Variants in FRAS1 observed in about 807,000 individuals in gnomAD.
The protein encoded by FRAS1 is extracellular matrix organizing protein FRAS1.
In FRAS1, 290 loss-of-function variants were observed where a neutral mutation model predicts 435.2. That is an observed-to-expected ratio of 0.67 (90% CI 0.61 to 0.73). The LOEUF (loss-of-function observed/expected upper bound fraction) is 0.73, where lower values mean the gene tolerates loss of function less well. Among genes scored for constraint, FRAS1 ranks in the 30% least tolerant of loss-of-function variants. FRAS1 has a pLI of 0.00. For missense variants in FRAS1, 4,860 were observed against 5,001.5 expected (o/e 0.97, Z 0.85); for synonymous variants, 1,800 against 1,851.0 (o/e 0.97, Z 0.71).
chr4:78,464,292 T>G, intron 48 of FRAS1, 147 bp downstream of exon 48: 3 of 1,376,434 alleles, frequency 2.2e-6, no homozygotes, highest in Non-Finnish European at 3.0e-6. Context: ...GTAGCCACCT[T>G]GGCTCTTGCC....
Position 78,374,092 on chromosome 4 carries a change from C to T in FRAS1, c.3011-19C>T, listed in dbSNP as rs1210595157. 24 of 1,556,390 alleles carry T rather than the reference C, an allele frequency of 1.5e-5. No individual in the cohort carries two copies. The highest frequency in any genetic ancestry group is 2.1e-5 in the Non-Finnish European group (24 of 1,141,708). The stretch of plus-strand genomic sequence containing the variant: ...GGAAAGCCACACAGATTCCTGATGA[C>T]TTGACTTTTGTCTTTCAGACTGTGA... On this transcript the variant is annotated intron_variant, in intron 24 of 73. Transcript: ENST00000512123.
intron 2 of FRAS1, among the ~76,000 whole-genome samples, chr4:78,134,915 T>C (rs950428690): frequency 2.0e-5 from 3 of 152,232 alleles, no homozygotes; most frequent in South Asian, 4.1e-4. Flanking sequence ...CCCTCATGCC[T>C]GACTAAGCTC....
intron 9 of FRAS1, among the ~76,000 whole-genome samples, chr4:78,274,221 C>A (rs1233658128): frequency 2.0e-5 from 3 of 152,122 alleles, no homozygotes; most frequent in Non-Finnish European, 4.4e-5. Context: ...CTGTATTAGT[C>A]TTGCTATCAG....
chr4:78,143,280 A>G (rs1720267507), intron 2 of FRAS1, among the ~76,000 whole-genome samples: 1 of 152,194 alleles, frequency 6.6e-6, no homozygotes, highest in Non-Finnish European at 1.5e-5. Flanking sequence ...ATCCACTAAG[A>G]AGATGTACTA....
Position 78,354,853 on chromosome 4 carries a change from T to G in FRAS1, c.2423-8660T>G, listed in dbSNP as rs571659503. On this transcript the variant is annotated intron_variant, in intron 20 of 73. Coordinates refer to ENST00000512123, the MANE Select transcript of FRAS1 (RefSeq NM_025074.7). ...GACAGTACACATTTACTTTAATATC[T>G]TCAAGCTTTTTTGATTTTGATCCAA... is the stretch of plus-strand genomic sequence containing the variant. Among the ~76,000 whole-genome samples the G allele has an allele frequency of 2.3e-4, 35 of 152,318 alleles. No homozygotes were observed. The South Asian group carries it at 7.0e-3, about 31-fold the overall frequency.
Position 78,539,348 on chromosome 4 carries a change from G to T in FRAS1, c.11353G>T (p.Ala3785Ser). ...GTACTTCCATGATGTGCCTTTTGAG[G>T]CTCACTTTGCCTCTGAGTTGCCTGA... ...DKYFHDVPFE[A>S]HFASELPDFH... Residue 3785 changes from alanine to serine, a missense_variant, in exon 73 of 74, where the codon GCT (alanine) becomes TCT (serine). Physicochemically the swap from Ala to Ser is moderately conservative, Grantham distance 99. Transcript: ENST00000512123. The T allele has an allele frequency of 4.3e-6, 7 of 1,612,914 alleles. No individual in the cohort carries two copies. The highest frequency in any genetic ancestry group is 5.9e-6 in the Non-Finnish European group (7 of 1,179,416).
intron 2 of FRAS1, among the ~76,000 whole-genome samples, chr4:78,144,980 C>A (rs1340038711): frequency 3.3e-5 from 5 of 152,020 alleles, no homozygotes; most frequent in Non-Finnish European, 7.4e-5. Flanking sequence ...AGGATAAATA[C>A]CTGGAAATGA....
At chr4:78,112,094 C>CT (rs1318174642) in intron 2 of FRAS1, among the ~76,000 whole-genome samples, 2 of 151,978 alleles carry the variant, frequency 1.3e-5, no homozygotes, top group African/African-American at 4.8e-5. Context: ...ATGTGTTGCC[C>CT]TTTTTTTCTG....
chr4:78,494,373 C>T (rs935803415), intron 59 of FRAS1, among the ~76,000 whole-genome samples: 5 of 152,106 alleles, frequency 3.3e-5, no homozygotes, highest in African/African-American at 1.2e-4. Context: ...GTTCTGCAGG[C>T]TGTACAAGAA....
At chr4:78,425,368 C>A (rs927667137) in intron 35 of FRAS1, among the ~76,000 whole-genome samples, 4 of 152,080 alleles carry the variant, frequency 2.6e-5, no homozygotes, top group Non-Finnish European at 4.4e-5. Context: ...AAAGCAGAGT[C>A]AGACCTGGTA....
At chr4:78,093,995 C>T (rs1027360879) in intron 2 of FRAS1, among the ~76,000 whole-genome samples, 3 of 151,696 alleles carry the variant, frequency 2.0e-5, no homozygotes, top group African/African-American at 7.3e-5. Context: ...TCCACCAAGT[C>T]TTGATGGCCA....
intron 50 of FRAS1, among the ~76,000 whole-genome samples, chr4:78,466,785 T>G (rs1719545204): frequency 6.6e-6 from 1 of 152,212 alleles, no homozygotes; most frequent in African/African-American, 2.4e-5. Flanking sequence ...TTCATCTGGT[T>G]TTTGAATAAT....
At chr4:78,520,213 C>A (rs1721342706) in intron 67 of FRAS1, among the ~76,000 whole-genome samples, 1 of 151,966 alleles carries the variant, frequency 6.6e-6, no homozygotes, top group East Asian at 1.9e-4. Flanking sequence ...CCAATTTTCT[C>A]CTCCGTTCTC....
At chr4:78,195,738 T>G (rs1273446035) in intron 2 of FRAS1, among the ~76,000 whole-genome samples, 2 of 152,080 alleles carry the variant, frequency 1.3e-5, no homozygotes, top group Non-Finnish European at 2.9e-5. Context: ...AGGCAATGCC[T>G]CACCCTGCTT....
In FRAS1 at chr4:78,531,405, C is replaced by T. The variant is rs553651954; in HGVS notation, c.10926-3044C>T. 7.0e-4 allele frequency among the ~76,000 whole-genome samples: 107 copies of T among 152,230 alleles called. 1 individual carries two copies. Among genetic ancestry groups the T allele is most frequent in the African/African-American group, 2.4e-3 (98 of 41,536 alleles). On this transcript the variant is annotated intron_variant, in intron 70 of 73. Coordinates refer to ENST00000512123, the MANE Select transcript of FRAS1 (RefSeq NM_025074.7). ...AATAGGAGTGGTGAGAGAGGGCATC[C>T]TTGTCTTGTGCAGGTTTTCAAAGGG...
In FRAS1 at chr4:78,117,394, G is replaced by A. The variant is rs377220728; in HGVS notation, c.108+51378G>A. Among the ~76,000 whole-genome samples the A allele has an allele frequency of 5.3e-5, 8 of 152,262 alleles. No homozygotes were observed. In the East Asian group the frequency reaches 1.5e-3, roughly 29 times the overall value. On this transcript the variant is annotated intron_variant, in intron 2 of 73. Coordinates refer to ENST00000512123, the MANE Select transcript of FRAS1 (RefSeq NM_025074.7). ...ATGTTGGCCTGCCTTGCTAGATTGG[G>A]TAAGTTCTCTTGGATAATATCCTGC...
At chr4:78,301,742 T>C (rs902377164) in intron 14 of FRAS1, among the ~76,000 whole-genome samples, 1 of 152,170 alleles carries the variant, frequency 6.6e-6, no homozygotes, top group Admixed American at 6.5e-5. Context: ...TAGAAAGTTA[T>C]GATTTCCTTC....
rs959796324 is a variant in FRAS1 at position 78,502,566 on chromosome 4, G to A, written c.9316+2645G>A. ...CTTGTGATTTTTGCACATTGATTTT[G>A]TGTCCTGAAACTTTCTGAAGTTGCT... On this transcript the variant is annotated intron_variant, in intron 61 of 73. Transcript: ENST00000512123. Among the ~76,000 whole-genome samples the A allele has an allele frequency of 3.7e-5, 5 of 135,298 alleles. 1 individual carries two copies. In the South Asian group the frequency reaches 1.4e-3, roughly 39 times the overall value. The allele number at this position is 135,298 out of a possible 152,430, so 88.8% of individuals were successfully genotyped here.
chr4:78,225,445 G>C (rs544555108), intron 2 of FRAS1, among the ~76,000 whole-genome samples: 41 of 152,160 alleles, frequency 2.7e-4, no homozygotes, highest in Non-Finnish European at 4.4e-4. Flanking sequence ...GCTTGGTAAA[G>C]GCCAAGTCTG....
Sources: allele counts gnomAD v4.1 joint callset (sites outside exome capture counted in the v4.1 genomes callset), GRCh38; gene constraint gnomAD v4.1.1; transcripts MANE v1.5; gene names NCBI Gene and HGNC (gene_info 2026-07-23, HGNC 2026-07-21).